The following NMD3 variants were observed in gnomAD, a reference collection of about 807,000 sequenced individuals.
NMD3 encodes NMD3 ribosome export adaptor.
NMD3 carries 47 observed loss-of-function variants against 73.1 expected under a neutral mutation model. That is an observed-to-expected ratio of 0.64 (90% CI 0.51 to 0.82). The LOEUF (loss-of-function observed/expected upper bound fraction) is 0.82, where lower values mean the gene tolerates loss of function less well. Ranked by LOEUF, NMD3 falls within the 40% of genes least tolerant of loss-of-function variation. The pLI is 0.00. For synonymous variants in NMD3, 210 were observed against 194.5 expected, an observed-to-expected ratio of 1.08 and a Z score of -0.66; for missense variants, 554 against 612.5, an observed-to-expected ratio of 0.90 and a Z score of 1.01.
Position 161,251,559 on chromosome 3 carries a change from G to C in NMD3, c.*649G>C, listed in dbSNP as rs1737488539. 6.6e-6 allele frequency: 1 copy of C among 152,122 alleles called. No homozygotes were observed. The highest frequency in any genetic ancestry group is 2.1e-4 in the South Asian group (1 of 4,822). 9.4% of individuals were successfully genotyped at this position (152,122 alleles called of 1,614,324 possible). On this transcript the variant is annotated 3_prime_UTR_variant, in exon 16 of 16. Coordinates refer to ENST00000351193, the MANE Select transcript of NMD3 (RefSeq NM_015938.5). ...AATATTTGTAGATTTATAGCAAATAGAGACTCGTTATTTAAAGGTTAAATA... is the reference window on the plus strand; with the variant it reads ...AATATTTGTAGATTTATAGCAAATACAGACTCGTTATTTAAAGGTTAAATA...
chr3:161,242,754 GAATCC>G, intron 11 of NMD3, 101 bp downstream of exon 11: 1 of 1,089,522 alleles, frequency 9.2e-7, no homozygotes, highest in Non-Finnish European at 1.3e-6. Context: ...CCACAGTATG[GAATCC>G]AAACTTAGCA....
At chr3:161,223,776 G>A (rs755957297) in intron 2 of NMD3, among the ~76,000 whole-genome samples, 1 of 152,254 alleles carries the variant, frequency 6.6e-6, no homozygotes, top group Admixed American at 6.5e-5. Context: ...TCTTGATACA[G>A]GATTTTCTTT....
At chr3:161,245,243 T>G (rs1737153686) in intron 11 of NMD3, among the ~76,000 whole-genome samples, 1 of 151,990 alleles carries the variant, frequency 6.6e-6, no homozygotes, top group Admixed American at 6.6e-5. Flanking sequence ...CAGATGACAT[T>G]CTACATTTTA....
chr3:161,240,059 C>CA (rs1448780882), intron 9 of NMD3, among the ~76,000 whole-genome samples: 1 of 151,922 alleles, frequency 6.6e-6, no homozygotes, highest in African/African-American at 2.4e-5. Context: ...GAGTTTTACA[C>CA]ATGTAAAAAT....
chr3:161,222,352 C>T (rs1040824603), intron 2 of NMD3, among the ~76,000 whole-genome samples: 4 of 146,750 alleles, frequency 2.7e-5, no homozygotes, highest in Non-Finnish European at 6.0e-5. Flanking sequence ...TTTTTACTTA[C>T]TTTTTTTTTT....
At position 161,235,215 on chromosome 3, in the gene NMD3, G is replaced by T; in HGVS notation, c.577+3G>T. 7.2e-7 allele frequency: 1 copy of T among 1,391,002 alleles called. No individual in the cohort carries two copies. The highest frequency in any genetic ancestry group is 1.3e-5 in the South Asian group (1 of 77,898). 86.2% of individuals were successfully genotyped at this position (1,391,002 alleles called of 1,614,324 possible). ...ACTTCGTATCAAAGAGATTCATGGT[G>T]AGTTAAAACTCAAAAGCATTTGAAA... On this transcript the variant is annotated splice_donor_region_variant and intron_variant, in intron 7 of 15. Transcript: ENST00000351193.
chr3:161,226,890 A>C (rs1312001923), intron 3 of NMD3, among the ~76,000 whole-genome samples: 2 of 152,168 alleles, frequency 1.3e-5, no homozygotes, highest in Non-Finnish European at 2.9e-5. Context: ...GGCATTTTAG[A>C]AGTACATAAT....
At chr3:161,227,398 A>C in intron 4 of NMD3, 55 bp downstream of exon 4, 2 of 968,864 alleles carry the variant, frequency 2.1e-6, no homozygotes, top group Non-Finnish European at 3.1e-6. Flanking sequence ...TAAAGGTCTC[A>C]TTTTCAGAAA....
rs570176578 is a variant in NMD3, at chr3:161,250,291, A to G, written c.1346A>G (p.Asp449Gly). 3 of 1,604,284 alleles carry G rather than the reference A, an allele frequency of 1.9e-6. No individual in the cohort carries two copies. The highest frequency in any genetic ancestry group is 1.7e-5 in the Admixed American group (1 of 59,890). Residue 449 changes from aspartate (D) to glycine (G), a missense_variant, in exon 15 of 16, where the codon GAT (aspartate) becomes GGT (glycine). By Grantham distance (94) the Asp-to-Gly change is moderately conservative. Transcript: ENST00000351193. The part of the protein sequence containing the change: ...YQDFLEDLEE[D>G]EAIRKNVNIY... ...GATTTTCTTGAAGATCTTGAAGAAG[A>G]TGAGGCAATTCGAAAAAATGTCAAC...
intron 7 of NMD3, among the ~76,000 whole-genome samples, 161 bp from the exon 8 acceptor site, chr3:161,237,952 A>T (rs765890122): frequency 2.6e-5 from 4 of 152,250 alleles, no homozygotes; most frequent in Non-Finnish European, 5.9e-5. Context: ...TTTTTGCCAA[A>T]GAAGTCTTAA....
chr3:161,222,593 T>A (rs1159381188), intron 2 of NMD3, among the ~76,000 whole-genome samples: 1 of 152,050 alleles, frequency 6.6e-6, no homozygotes, highest in African/African-American at 2.4e-5. Context: ...AATTAACTTT[T>A]TTTTTTTTGC....
Position 161,221,319 on chromosome 3 carries a change from C to G in NMD3, c.-111C>G, listed in dbSNP as rs1736061766. The G allele has an allele frequency of 1.3e-5, 2 of 152,368 alleles. No individual in the cohort carries two copies. The highest frequency in any genetic ancestry group is 2.4e-5 in the African/African-American group (1 of 41,464). The allele number at this position is 152,368 out of a possible 1,614,324, so 9.4% of individuals were successfully genotyped here. On this transcript the variant is annotated 5_prime_UTR_variant, in exon 1 of 16. Coordinates refer to ENST00000351193, the MANE Select transcript of NMD3 (RefSeq NM_015938.5). ...TTCGCTCGCGAGATCTTCTCTGTGG[C>G]GGAGACAGCCAGGTTGGCAGCTGAC...
Position 161,242,693 on chromosome 3 carries a change from C to A in NMD3, c.1017+40C>A, listed in dbSNP as rs1042420917. The A allele has an allele frequency of 4.4e-6, 7 of 1,580,136 alleles. No individual in the cohort carries two copies. In the African/African-American group the frequency reaches 6.8e-5, roughly 15 times the overall value. On this transcript the variant is annotated intron_variant, in intron 11 of 15. Transcript: ENST00000351193. ...GCCTGCCAGTGTATTTTTTTTTCCC[C>A]TCAGTTATTATTGTTTCAGTCCCTC...
chr3:161,240,525 G>GGT (rs1576853312), intron 9 of NMD3, among the ~76,000 whole-genome samples: 1 of 60,672 alleles, frequency 1.6e-5, no homozygotes, highest in African/African-American at 1.2e-4. Flanking sequence ...TTGGGCCCTG[G>GGT]ATTTTTTTTT....
At chr3:161,238,994 T>C (rs555551116) in intron 9 of NMD3, among the ~76,000 whole-genome samples, 168 bp downstream of exon 9, 130 of 152,270 alleles carry the variant, frequency 8.5e-4, no homozygotes, top group African/African-American at 2.9e-3. Flanking sequence ...TATATATTTT[T>C]AAAAAAGTCA....
In NMD3 at chr3:161,234,784, C is replaced by A. The variant is rs749417749; in HGVS notation, c.415C>A (p.Gln139Lys). ...TGTGGTGGATTATGTTGTTCAGTCC[C>A]AAATGTGTGGAGATTGCCATAGAGT... is the stretch of plus-strand genomic sequence containing the variant. ...VFVVDYVVQSQMCGDCHRVEA... is the reference protein window; with the variant it reads ...VFVVDYVVQSKMCGDCHRVEA... The change falls in exon 6 of 16, where the codon CAA becomes AAA. Residue 139 changes from glutamine to lysine, a missense_variant. Coordinates refer to ENST00000351193, the MANE Select transcript of NMD3 (RefSeq NM_015938.5). 1.2e-6 allele frequency: 2 copies of A among 1,613,078 alleles called. No homozygotes were observed. The highest frequency in any genetic ancestry group is 1.7e-5 in the Admixed American group (1 of 60,008).
chr3:161,246,928 G>T (rs1560074907), intron 12 of NMD3, among the ~76,000 whole-genome samples: 1 of 114,174 alleles, frequency 8.8e-6, no homozygotes, highest in African/African-American at 3.4e-5. Flanking sequence ...ACTACAGAAT[G>T]AGGTGTTTTT....
At chr3:161,247,493 A>T (rs1397932652) in intron 13 of NMD3, among the ~76,000 whole-genome samples, 163 bp downstream of exon 13, 6 of 146,056 alleles carry the variant, frequency 4.1e-5, no homozygotes, top group South Asian at 4.3e-4. Context: ...TTTTTTTTTT[A>T]AAGAAACAGG....
chr3:161,249,553 G>A lies in NMD3; in HGVS notation c.1303G>A (p.Asp435Asn), dbSNP rs766498423. The A allele has an allele frequency of 2.5e-6, 4 of 1,587,476 alleles. No individual in the cohort carries two copies. Among genetic ancestry groups the A allele is most frequent in the Non-Finnish European group, 3.5e-6 (4 of 1,156,544 alleles). The change falls in exon 14 of 16, where the codon GAT (aspartate) becomes AAT (asparagine). Residue 435 changes from aspartate (D) to asparagine (N), a missense_variant. By Grantham distance (23) the Asp-to-Asn change is conservative. Transcript: ENST00000351193. ...AGAGAGAGAAAACATGGATACAGAT[G>A]ATGAAAGGTCTCGCTTTTCTTTAAA... ...ARERENMDTD[D>N]ERQYQDFLED...
Sources: allele counts gnomAD v4.1 joint callset (sites outside exome capture counted in the v4.1 genomes callset), GRCh38; gene constraint gnomAD v4.1.1; transcripts MANE v1.5; gene names NCBI Gene and HGNC (gene_info 2026-07-23, HGNC 2026-07-21).